Variants in SLC8A1 observed in about 807,000 individuals in gnomAD.
SLC8A1 encodes solute carrier family 8 member A1.
A neutral mutation model predicts 68.3 loss-of-function variants in SLC8A1; 18 were observed. The observed-to-expected ratio is 0.26, with a 90% CI of 0.18 to 0.39. The LOEUF (loss-of-function observed/expected upper bound fraction) is 0.39. SLC8A1 is among the 10% of genes least tolerant of loss of function. The pLI, the probability that SLC8A1 is intolerant of heterozygous loss-of-function variation, is 1.00. For missense variants in SLC8A1, 985 were observed against 1,156.7 expected (o/e 0.85, Z 2.15); for synonymous variants, 475 against 415.5 (o/e 1.14, Z -1.74).
intron 4 of SLC8A1, among the ~76,000 whole-genome samples, chr2:40,171,412 C>G (rs1318642066): frequency 6.6e-6 from 1 of 152,168 alleles, no homozygotes; most frequent in Non-Finnish European, 1.5e-5. Flanking sequence ...TTTTGGGGAT[C>G]AAACTTACAT....
At chr2:40,308,769 C>G (rs1460291372) in intron 2 of SLC8A1, among the ~76,000 whole-genome samples, 1 of 152,120 alleles carries the variant, frequency 6.6e-6, no homozygotes, top group Non-Finnish European at 1.5e-5. Context: ...GATCAGACAC[C>G]TGGCTGATTA....
At chr2:40,428,684 C>A in exon 2 of SLC8A1, 1 of 1,613,746 alleles carries the variant, frequency 6.2e-7, no homozygotes. Flanking sequence ...TGGTCATCAT[C>A]AAAAATAGTT....
chr2:40,367,184 T>C (rs1028752410), intron 2 of SLC8A1, among the ~76,000 whole-genome samples: 4 of 152,012 alleles, frequency 2.6e-5, no homozygotes, highest in Non-Finnish European at 5.9e-5. Flanking sequence ...AAAGGATTCA[T>C]ACTAACTCTT....
intron 2 of SLC8A1, among the ~76,000 whole-genome samples, chr2:40,212,658 C>T (rs1481337733): frequency 6.6e-6 from 1 of 152,306 alleles, no homozygotes; most frequent in East Asian, 1.9e-4. Flanking sequence ...CTTCTGAAGG[C>T]ATTAGGAGCA....
At chr2:40,399,909 C>T (rs962236542) in intron 2 of SLC8A1, among the ~76,000 whole-genome samples, 6 of 152,116 alleles carry the variant, frequency 3.9e-5, no homozygotes, top group Admixed American at 6.5e-5. Context: ...GCAGACCGCC[C>T]GGCGCCACAC....
chr2:40,239,851 C>T (rs2060971438), intron 2 of SLC8A1, among the ~76,000 whole-genome samples: 1 of 152,182 alleles, frequency 6.6e-6, no homozygotes, highest in Admixed American at 6.5e-5. Flanking sequence ...GTATGTATCT[C>T]CTCACTAAAT....
Position 40,232,062 on chromosome 2 carries a change from G to C in SLC8A1, c.1809-54207C>G, listed in dbSNP as rs2059720544. 2.0e-5 allele frequency among the ~76,000 whole-genome samples: 3 copies of C among 152,092 alleles called. No homozygotes were observed. The South Asian group carries it at 6.2e-4, about 32-fold the overall frequency. ...GATGAAGCAGGCCAGGAAGATTTTA[G>C]CAGGAAATGGGTCCAGTTCAAAAAA... On this transcript the variant is annotated intron_variant, in intron 2 of 7. Transcript: ENST00000406785.
chr2:40,283,346 A>T (rs1445562731), intron 2 of SLC8A1, among the ~76,000 whole-genome samples: 2 of 152,196 alleles, frequency 1.3e-5, no homozygotes, highest in East Asian at 3.9e-4. Context: ...AACAAGTTCA[A>T]CAAATGGTAA....
At chr2:40,262,700 G>T (rs1412416892) in intron 2 of SLC8A1, among the ~76,000 whole-genome samples, 2 of 152,186 alleles carry the variant, frequency 1.3e-5, no homozygotes, top group Non-Finnish European at 2.9e-5. Context: ...TGACAGACAG[G>T]TTGTTCATGG....
At chr2:40,307,524 T>C (rs2072882089) in intron 2 of SLC8A1, among the ~76,000 whole-genome samples, 1 of 152,204 alleles carries the variant, frequency 6.6e-6, no homozygotes, top group African/African-American at 2.4e-5. Context: ...GATAGTAAAT[T>C]TTATATTTTT....
chr2:40,462,996 C>T (rs1703434046), intron 1 of SLC8A1, among the ~76,000 whole-genome samples: 1 of 146,252 alleles, frequency 6.8e-6, no homozygotes, highest in Admixed American at 6.9e-5. Flanking sequence ...GTGTTAGACA[C>T]AATGGAATTA....
intron 1 of SLC8A1, among the ~76,000 whole-genome samples, chr2:40,471,123 A>G (rs996914351): frequency 6.6e-6 from 1 of 152,188 alleles, no homozygotes; most frequent in African/African-American, 2.4e-5. Context: ...CTGAAACAGC[A>G]AACCTCTGCC....
intron 2 of SLC8A1, among the ~76,000 whole-genome samples, chr2:40,258,236 G>A (rs185574376): frequency 1.1e-3 from 165 of 152,280 alleles, no homozygotes; most frequent in Admixed American, 2.7e-3. Context: ...CGGATGTAGT[G>A]CTCAGCAATT....
chr2:40,427,878 C>A (rs887836707), intron 2 of SLC8A1, among the ~76,000 whole-genome samples: 2 of 152,114 alleles, frequency 1.3e-5, no homozygotes, highest in East Asian at 1.9e-4. Flanking sequence ...CCCATGTTGG[C>A]ATAACACTGA....
chr2:40,328,127 G>C (rs2076040023), intron 2 of SLC8A1, among the ~76,000 whole-genome samples: 1 of 152,072 alleles, frequency 6.6e-6, no homozygotes. Flanking sequence ...GATATTCTGA[G>C]GTTTGGATGA....
intron 2 of SLC8A1, among the ~76,000 whole-genome samples, chr2:40,199,348 C>T (rs1221315169): frequency 6.6e-6 from 1 of 151,592 alleles, no homozygotes; most frequent in Non-Finnish European, 1.5e-5. Context: ...GCGTGGTCTT[C>T]CTGAAGTGGC....
chr2:40,315,290 T>A (rs1259452481), intron 2 of SLC8A1, among the ~76,000 whole-genome samples: 1 of 151,930 alleles, frequency 6.6e-6, no homozygotes, highest in Non-Finnish European at 1.5e-5. Flanking sequence ...ATGGTGGTTA[T>A]CAATACAGTA....
rs749035455 is a variant in SLC8A1 at position 40,337,368 on chromosome 2, G to A, written c.1808+91105C>T. The A allele has an allele frequency of 9.6e-5, 31 of 324,078 alleles. 1 individual carries two copies. Among genetic ancestry groups the A allele is most frequent in the South Asian group, 7.1e-4 (30 of 41,964 alleles). The allele number at this position is 324,078 out of a possible 1,614,324, so 20.1% of individuals were successfully genotyped here. ...CTACTCAAGACAGCTCAGTCGTACA[G>A]AGTAGTTTTATTTTCTCACCCGAGG... On this transcript the variant is annotated intron_variant, in intron 2 of 7. Transcript: ENST00000406785.
intron 2 of SLC8A1, among the ~76,000 whole-genome samples, chr2:40,362,532 C>T (rs1010300605): frequency 6.6e-6 from 1 of 152,036 alleles, no homozygotes; most frequent in Non-Finnish European, 1.5e-5. Context: ...AAATGCTACA[C>T]CACTTACCAT....
Sources: gnomAD v4.1 joint callset for allele counts (sites outside exome capture counted in the v4.1 genomes callset) on GRCh38, gnomAD v4.1.1 for gene constraint, MANE v1.5 for transcripts, NCBI Gene and HGNC (gene_info 2026-07-23, HGNC 2026-07-21) for gene names.